The following CHCHD3 variants were observed in gnomAD, a reference collection of about 807,000 sequenced individuals.
The protein encoded by CHCHD3 is coiled-coil-helix-coiled-coil-helix domain containing 3.
CHCHD3 carries 20 observed loss-of-function variants against 38.2 expected under a neutral mutation model. The observed-to-expected ratio is 0.52, with a 90% CI of 0.37 to 0.76. The LOEUF (loss-of-function observed/expected upper bound fraction) is 0.76. CHCHD3 is among the 30% of genes least tolerant of loss of function. The pLI is 0.00. For synonymous variants in CHCHD3, 82 were observed against 100.0 expected (o/e 0.82, Z 1.07); for missense variants, 245 against 279.2 (o/e 0.88, Z 0.87).
chr7:132,812,463 C>T (rs1034991994), intron 6 of CHCHD3, among the ~76,000 whole-genome samples: 6 of 152,070 alleles, frequency 3.9e-5, no homozygotes, highest in African/African-American at 1.2e-4. Context: ...CCCATCTCGG[C>T]CTCCCAAAAT....
chr7:133,042,529 C>A (rs1813862084), intron 2 of CHCHD3, among the ~76,000 whole-genome samples: 3 of 152,160 alleles, frequency 2.0e-5, no homozygotes, highest in Admixed American at 2.0e-4. Context: ...ATCAACTCTG[C>A]GATGACACAG....
At chr7:132,825,622 G>A (rs1807489796) in intron 6 of CHCHD3, among the ~76,000 whole-genome samples, 1 of 152,238 alleles carries the variant, frequency 6.6e-6, no homozygotes, top group Non-Finnish European at 1.5e-5. Context: ...AGTATCAAAT[G>A]AGCTGTAATG....
chr7:132,811,115 C>T (rs932461935), intron 6 of CHCHD3, among the ~76,000 whole-genome samples: 16 of 152,140 alleles, frequency 1.1e-4, no homozygotes, highest in Admixed American at 3.9e-4. Flanking sequence ...ATCTTCCCAA[C>T]ATAAGATCTG....
chr7:132,994,118 G>A (rs1455275810), intron 3 of CHCHD3, among the ~76,000 whole-genome samples: 1 of 152,020 alleles, frequency 6.6e-6, no homozygotes, highest in Non-Finnish European at 1.5e-5. Flanking sequence ...TTTCACTATA[G>A]GCTACATTTT....
At chr7:132,926,220 A>G (rs1422370986) in intron 4 of CHCHD3, among the ~76,000 whole-genome samples, 2 of 152,210 alleles carry the variant, frequency 1.3e-5, no homozygotes, top group African/African-American at 4.8e-5. Flanking sequence ...CCAAGACAGC[A>G]AGTTTGGAAT....
chr7:132,821,365 A>T (rs1391256188), intron 6 of CHCHD3, among the ~76,000 whole-genome samples: 5 of 152,210 alleles, frequency 3.3e-5, no homozygotes, highest in Non-Finnish European at 7.3e-5. Context: ...ATGAGAAGTA[A>T]CTTGCTAGAA....
intron 4 of CHCHD3, among the ~76,000 whole-genome samples, chr7:132,915,543 T>C (rs1207934731): frequency 2.6e-5 from 4 of 152,046 alleles, no homozygotes; most frequent in Admixed American, 2.6e-4. Context: ...TTTCTTCTTC[T>C]ACAATTTTAT....
At chr7:132,982,139 G>A (rs928133482) in intron 3 of CHCHD3, among the ~76,000 whole-genome samples, 3 of 152,112 alleles carry the variant, frequency 2.0e-5, no homozygotes, top group Non-Finnish European at 2.9e-5. Flanking sequence ...GACAAAACAC[G>A]TATACAGTTT....
chr7:133,015,784 CTG>C lies in CHCHD3; in HGVS notation c.251+8760_251+8761del, dbSNP rs371151117. 3.2e-3 allele frequency among the ~76,000 whole-genome samples: 481 copies of C among 152,276 alleles called. 3 individuals carry two copies. In the South Asian group the frequency reaches 0.037, roughly 12 times the overall value. On this transcript the variant is annotated intron_variant, in intron 3 of 7. Transcript: ENST00000262570. The stretch of plus-strand genomic sequence containing the variant: ...CATCACTATAAAGAAATATCTGAGA[CTG>C]TGTAATTTATAAAGAAAAGGCGTTT...
chr7:132,830,913 A>C (rs1187135304), intron 6 of CHCHD3: 1 of 152,168 alleles, frequency 6.6e-6, no homozygotes, highest in African/African-American at 2.4e-5. Context: ...CTCTTACTGA[A>C]TAATCAAGAT....
chr7:132,943,280 T>C (rs1810813247), intron 4 of CHCHD3, among the ~76,000 whole-genome samples: 1 of 152,140 alleles, frequency 6.6e-6, no homozygotes, highest in African/African-American at 2.4e-5. Context: ...CAAAGAAATG[T>C]TGAAAATTAA....
chr7:132,902,830 A>T (rs1472486707), intron 4 of CHCHD3, among the ~76,000 whole-genome samples: 2 of 152,182 alleles, frequency 1.3e-5, no homozygotes, highest in African/African-American at 2.4e-5. Flanking sequence ...ATAAAAATAA[A>T]AAATAATAAA....
At chr7:132,973,935 C>T (rs1319376140) in intron 4 of CHCHD3, 4 of 1,277,214 alleles carry the variant, frequency 3.1e-6, no homozygotes, top group East Asian at 1.1e-4. Flanking sequence ...CTAAAGGTTC[C>T]GAGGAGTAAC....
chr7:132,797,039 C>G (rs912293288), intron 6 of CHCHD3, among the ~76,000 whole-genome samples: 2 of 152,174 alleles, frequency 1.3e-5, no homozygotes, highest in African/African-American at 4.8e-5. Context: ...AGCTTTGACA[C>G]CCTCTACTCC....
intron 5 of CHCHD3, among the ~76,000 whole-genome samples, chr7:132,881,872 T>A (rs565823786): frequency 6.6e-6 from 1 of 152,274 alleles, no homozygotes; most frequent in East Asian, 1.9e-4. Flanking sequence ...ATCTTTTGCA[T>A]TACGCCTAGA....
At chr7:132,892,469 C>T (rs571169565) in intron 4 of CHCHD3, among the ~76,000 whole-genome samples, 1 of 152,110 alleles carries the variant, frequency 6.6e-6, no homozygotes, top group Non-Finnish European at 1.5e-5. Context: ...GCAGCCTGAC[C>T]ATGTGGTAGA....
chr7:132,795,462 A>C (rs1806583498), intron 7 of CHCHD3, among the ~76,000 whole-genome samples: 1 of 152,222 alleles, frequency 6.6e-6, no homozygotes, highest in Non-Finnish European at 1.5e-5. Flanking sequence ...TGAGGACAAC[A>C]TAGGCTTTTA....
chr7:132,860,089 G>A (rs1372337058), intron 5 of CHCHD3, among the ~76,000 whole-genome samples: 1 of 152,032 alleles, frequency 6.6e-6, no homozygotes, highest in African/African-American at 2.4e-5. Flanking sequence ...TAGGTAACAT[G>A]GCAAAACCAT....
chr7:132,864,878 G>A (rs865914822), intron 5 of CHCHD3, among the ~76,000 whole-genome samples: 3 of 152,096 alleles, frequency 2.0e-5, no homozygotes, highest in Admixed American at 6.5e-5. Context: ...GAAAACTCTT[G>A]TATTATCCTG....
Sources: gnomAD v4.1 joint callset for allele counts (sites outside exome capture counted in the v4.1 genomes callset) on GRCh38, gnomAD v4.1.1 for gene constraint, MANE v1.5 for transcripts, NCBI Gene and HGNC (gene_info 2026-07-23, HGNC 2026-07-21) for gene names.